Variants in SLC5A3 observed in about 807,000 individuals in gnomAD.
SLC5A3 encodes the protein sodium/myo-inositol cotransporter.
SLC5A3 carries 10 observed loss-of-function variants against 43.2 expected under a neutral mutation model. The ratio of observed to expected loss-of-function variants is 0.23; its 90% CI spans 0.14 to 0.39. SLC5A3 has a LOEUF of 0.39. SLC5A3 is among the 10% of genes least tolerant of loss of function. The pLI is 1.00. For synonymous variants in SLC5A3, 349 were observed against 322.0 expected, an observed-to-expected ratio of 1.08 and a Z score of -0.90; for missense variants, 608 against 893.4, an observed-to-expected ratio of 0.68 and a Z score of 4.07.
intron 1 of SLC5A3, among the ~76,000 whole-genome samples, chr21:34,091,932 T>C (rs560375256): frequency 0.13 from 15 of 114 alleles, no homozygotes; most frequent in East Asian, 0.47. Context: ...TATTGTCTTA[T>C]AATTTTACTT....
rs1368738894 is a variant in SLC5A3, at chr21:34,101,763, C to T, written c.*4408C>T. On this transcript the variant is annotated 3_prime_UTR_variant, in exon 2 of 2. Coordinates refer to ENST00000381151, the MANE Select transcript of SLC5A3 (RefSeq NM_006933.7). ...TAAATATAATTATGTTTTAAGTATA[C>T]TGAATTTCTGTTAGCTTAAAATGTT... The T allele has an allele frequency of 5.0e-6, 5 of 995,112 alleles. No homozygotes were observed. In the East Asian group the frequency reaches 5.7e-4, roughly 113 times the overall value. The allele number at this position is 995,112 out of a possible 1,614,324, so 61.6% of individuals were successfully genotyped here.
At position 34,079,936 on chromosome 21, in the gene SLC5A3, T is replaced by A. The variant is rs11910792; in HGVS notation, c.-337+6191T>A. Reference sequence around the variant, plus strand: ...GCCTCTGTTATTGCTTATTTCTGTTTATCGCTTCTCTGTCTTCTGTCATCT... The same window carrying A: ...GCCTCTGTTATTGCTTATTTCTGTTAATCGCTTCTCTGTCTTCTGTCATCT... On this transcript the variant is annotated intron_variant, in intron 1 of 1. Coordinates refer to ENST00000381151, the MANE Select transcript of SLC5A3 (RefSeq NM_006933.7). Among the ~76,000 whole-genome samples the A allele has an allele frequency of 7.5e-3, 1,138 of 152,252 alleles. 14 individuals carry two copies. The highest frequency in any genetic ancestry group is 0.026 in the African/African-American group (1,091 of 41,524).
chr21:34,104,991 T>C lies in SLC5A3; in HGVS notation c.*7636T>C, dbSNP rs1979411896. On this transcript the variant is annotated 3_prime_UTR_variant, in exon 2 of 2. Transcript: ENST00000381151. ...GTGTAAATATGTATAATTAGAGTTT[T>C]CTAATTTCACTGTGAGATCTCTAAC... 1.0e-6 allele frequency: 1 copy of C among 1,000,008 alleles called. No homozygotes were observed. The highest frequency in any genetic ancestry group is 1.2e-6 in the Non-Finnish European group (1 of 829,730). 61.9% of individuals were successfully genotyped at this position (1,000,008 alleles called of 1,614,324 possible). A position where few individuals can be genotyped will look rare whatever the true frequency, so the allele number is the denominator to read the frequency against.
Position 34,097,913 on chromosome 21 carries a change from C to CTTT in SLC5A3, c.*558_*559insTTT. On this transcript the variant is annotated 3_prime_UTR_variant, in exon 2 of 2. Transcript: ENST00000381151. ...GCATGAGCCTACGGATTCTGATTTC[C>CTTT]CAAAGAAAGAATGTTTTCCTGTAGG... The CTTT allele has an allele frequency of 1.0e-6, 1 of 997,146 alleles. No homozygotes were observed. The highest frequency in any genetic ancestry group is 1.2e-6 in the Non-Finnish European group (1 of 827,268). 61.8% of individuals were successfully genotyped at this position (997,146 alleles called of 1,614,324 possible). A position where few individuals can be genotyped will look rare whatever the true frequency, so the allele number is the denominator to read the frequency against.
rs943921289 is a variant in SLC5A3, at chr21:34,098,563, G to A, written c.*1208G>A. 4.0e-6 allele frequency: 4 copies of A among 1,000,174 alleles called. No individual in the cohort carries two copies. Among genetic ancestry groups the A allele is most frequent in the Non-Finnish European group, 4.8e-6 (4 of 829,970 alleles). 62.0% of individuals were successfully genotyped at this position (1,000,174 alleles called of 1,614,324 possible). ...GATGTTTCAGTGCAAACTGGCCGTC[G>A]GTAACAGAAAACTCAGTGCATACTT... On this transcript the variant is annotated 3_prime_UTR_variant, in exon 2 of 2. Coordinates refer to ENST00000381151, the MANE Select transcript of SLC5A3 (RefSeq NM_006933.7).
chr21:34,101,344 G>GTTAA lies in SLC5A3; in HGVS notation c.*3990_*3993dup, dbSNP rs1359529967. On this transcript the variant is annotated 3_prime_UTR_variant, in exon 2 of 2. Transcript: ENST00000381151. Reference sequence around the variant, plus strand: ...TCAGCTTTTTAAACCCTGGTTTGATGTTAAGCATTATAAAGTACGAAGTTT... The same window carrying GTTAA: ...TCAGCTTTTTAAACCCTGGTTTGATGTTAATTAAGCATTATAAAGTACGAAGTTT... The GTTAA allele has an allele frequency of 2.0e-6, 2 of 1,000,012 alleles. No homozygotes were observed. Among genetic ancestry groups the GTTAA allele is most frequent in the Non-Finnish European group, 2.4e-6 (2 of 829,898 alleles). 61.9% of individuals were successfully genotyped at this position (1,000,012 alleles called of 1,614,324 possible).
intron 1 of SLC5A3, among the ~76,000 whole-genome samples, chr21:34,076,294 C>T (rs917347218): frequency 6.6e-6 from 1 of 151,954 alleles, no homozygotes; most frequent in Non-Finnish European, 1.5e-5. Flanking sequence ...TTTTTTGACC[C>T]TAGCTTGACT....
In SLC5A3 at chr21:34,103,583, G is replaced by T. The variant is rs550973632; in HGVS notation, c.*6228G>T. 1.0e-6 allele frequency: 1 copy of T among 1,000,144 alleles called. No individual in the cohort carries two copies. Among genetic ancestry groups the T allele is most frequent in the South Asian group, 4.7e-5 (1 of 21,286 alleles). The allele number at this position is 1,000,144 out of a possible 1,614,324, so 62.0% of individuals were successfully genotyped here. A position where few individuals can be genotyped will look rare whatever the true frequency, so the allele number is the denominator to read the frequency against. ...AAGTCCATAGAAAGCACAAAATCGT[G>T]TTCACACATTAGTGTACCCACACAT... is the stretch of plus-strand genomic sequence containing the variant. On this transcript the variant is annotated 3_prime_UTR_variant, in exon 2 of 2. Transcript: ENST00000381151.
chr21:34,076,028 A>G (rs1425934165), intron 1 of SLC5A3, among the ~76,000 whole-genome samples: 1 of 152,142 alleles, frequency 6.6e-6, no homozygotes, highest in Non-Finnish European at 1.5e-5. Context: ...ACGTTTTTAG[A>G]TTCTTAAGTG....
At position 34,102,859 on chromosome 21, in the gene SLC5A3, A is replaced by T. The variant is rs1979310063; in HGVS notation, c.*5504A>T. On this transcript the variant is annotated 3_prime_UTR_variant, in exon 2 of 2. Transcript: ENST00000381151. ...GGTTGTTTACATTCAGAGCTCTATC[A>T]ATAAGAGGAATACATATTACAGTGA... 1.0e-6 allele frequency: 1 copy of T among 999,918 alleles called. No individual in the cohort carries two copies. Among genetic ancestry groups the T allele is most frequent in the African/African-American group, 1.7e-5 (1 of 57,244 alleles). The allele number at this position is 999,918 out of a possible 1,614,324, so 61.9% of individuals were successfully genotyped here. A position where few individuals can be genotyped will look rare whatever the true frequency, so the allele number is the denominator to read the frequency against.
rs184287228 is a variant in SLC5A3 at position 34,103,908 on chromosome 21, A to G, written c.*6553A>G. 239 of 1,000,156 alleles carry G rather than the reference A, an allele frequency of 2.4e-4. No homozygotes were observed. In the African/African-American group the frequency reaches 2.6e-3, roughly 11 times the overall value. 62.0% of individuals were successfully genotyped at this position (1,000,156 alleles called of 1,614,324 possible). The stretch of plus-strand genomic sequence containing the variant: ...CTTGAAACTGGAGAAATAGGGACAG[A>G]TGTCTAGGTTTTTGGTGGGTGGAAC... On this transcript the variant is annotated 3_prime_UTR_variant, in exon 2 of 2. Coordinates refer to ENST00000381151, the MANE Select transcript of SLC5A3 (RefSeq NM_006933.7).
chr21:34,094,380 G>C (rs1453562344), intron 1 of SLC5A3, among the ~76,000 whole-genome samples: 1 of 152,080 alleles, frequency 6.6e-6, no homozygotes, highest in Non-Finnish European at 1.5e-5. Context: ...ATAACATCTA[G>C]TAAACACCAC....
chr21:34,099,607 T>A lies in SLC5A3; in HGVS notation c.*2252T>A. On this transcript the variant is annotated 3_prime_UTR_variant, in exon 2 of 2. Transcript: ENST00000381151. ...AATGAATAGGAGGTGTTTGTGATTTTTTTTTTCTCCCTTTATTTAACATTG... is the reference window on the plus strand; with the variant it reads ...AATGAATAGGAGGTGTTTGTGATTTATTTTTTCTCCCTTTATTTAACATTG... 2.0e-6 allele frequency: 2 copies of A among 999,716 alleles called. No homozygotes were observed. The highest frequency in any genetic ancestry group is 2.4e-6 in the Non-Finnish European group (2 of 829,908). The allele number at this position is 999,716 out of a possible 1,614,324, so 61.9% of individuals were successfully genotyped here.
chr21:34,085,196 ACTTTG>A (rs1310798822), intron 1 of SLC5A3, among the ~76,000 whole-genome samples: 2 of 152,194 alleles, frequency 1.3e-5, no homozygotes, highest in East Asian at 3.8e-4. Flanking sequence ...TAACAGTGGC[ACTTTG>A]AGGAGTTTTG....
Position 34,103,742 on chromosome 21 carries a change from C to G in SLC5A3, c.*6387C>G. ...AAGACAATGCGGTATCTAAACTGGT[C>G]CTAATGGTAAGGGACCCAAAGGAAT... On this transcript the variant is annotated 3_prime_UTR_variant, in exon 2 of 2. Transcript: ENST00000381151. 1 of 999,790 alleles carries G rather than the reference C, an allele frequency of 1.0e-6. No homozygotes were observed. Among genetic ancestry groups the G allele is most frequent in the Non-Finnish European group, 1.2e-6 (1 of 829,732 alleles). The allele number at this position is 999,790 out of a possible 1,614,324, so 61.9% of individuals were successfully genotyped here. A position where few individuals can be genotyped will look rare whatever the true frequency, so the allele number is the denominator to read the frequency against.
chr21:34,087,490 C>T (rs1978454024), intron 1 of SLC5A3, among the ~76,000 whole-genome samples: 1 of 152,150 alleles, frequency 6.6e-6, no homozygotes, highest in South Asian at 2.1e-4. Context: ...ATGGAGTTTA[C>T]ATACATGGTA....
In SLC5A3 at chr21:34,104,546, A is replaced by T. The variant is rs762488434; in HGVS notation, c.*7191A>T. 1 of 998,526 alleles carries T rather than the reference A, an allele frequency of 1.0e-6. No individual in the cohort carries two copies. The highest frequency in any genetic ancestry group is 1.7e-5 in the African/African-American group (1 of 57,186). The allele number at this position is 998,526 out of a possible 1,614,324, so 61.9% of individuals were successfully genotyped here. On this transcript the variant is annotated 3_prime_UTR_variant, in exon 2 of 2. Coordinates refer to ENST00000381151, the MANE Select transcript of SLC5A3 (RefSeq NM_006933.7). Reference sequence around the variant, plus strand: ...AGACTTGGTCAACTCTAATATATCTAGAAGGAAGACTATATCTGGTGTAGA... The same window carrying T: ...AGACTTGGTCAACTCTAATATATCTTGAAGGAAGACTATATCTGGTGTAGA...
chr21:34,104,615 G>A lies in SLC5A3; in HGVS notation c.*7260G>A. ...GAAGAGTTAACCTGAACACTTTGAG[G>A]GAGAGATTATTCTTGCCAGCAAAAA... On this transcript the variant is annotated 3_prime_UTR_variant, in exon 2 of 2. Transcript: ENST00000381151. The A allele has an allele frequency of 1.0e-6, 1 of 1,000,176 alleles. No individual in the cohort carries two copies. Among genetic ancestry groups the A allele is most frequent in the Non-Finnish European group, 1.2e-6 (1 of 829,960 alleles). 62.0% of individuals were successfully genotyped at this position (1,000,176 alleles called of 1,614,324 possible).
chr21:34,101,597 C>T lies in SLC5A3; in HGVS notation c.*4242C>T. 2.0e-6 allele frequency: 2 copies of T among 1,000,158 alleles called. No homozygotes were observed. The highest frequency in any genetic ancestry group is 1.2e-6 in the Non-Finnish European group (1 of 829,904). 62.0% of individuals were successfully genotyped at this position (1,000,158 alleles called of 1,614,324 possible). A position where few individuals can be genotyped will look rare whatever the true frequency, so the allele number is the denominator to read the frequency against. ...CCTTCACATTGCTGTGTCAGTTCTACACCTAGTCTTTTCAGCACTTAGCAA... is the reference window on the plus strand; with the variant it reads ...CCTTCACATTGCTGTGTCAGTTCTATACCTAGTCTTTTCAGCACTTAGCAA... On this transcript the variant is annotated 3_prime_UTR_variant, in exon 2 of 2. Coordinates refer to ENST00000381151, the MANE Select transcript of SLC5A3 (RefSeq NM_006933.7).
Sources: gnomAD v4.1 joint callset for allele counts (sites outside exome capture counted in the v4.1 genomes callset) on GRCh38, gnomAD v4.1.1 for gene constraint, MANE v1.5 for transcripts, NCBI Gene and HGNC (gene_info 2026-07-23, HGNC 2026-07-21) for gene names.